Variants in STAU1 observed in about 807,000 individuals in gnomAD.
STAU1 encodes the protein double-stranded RNA-binding protein Staufen homolog 1.
Under a neutral mutation model 62.9 loss-of-function variants are expected in STAU1, and 13 were observed. That is an observed-to-expected ratio of 0.21 (90% CI 0.13 to 0.33). The LOEUF is 0.33. Ranked by LOEUF, STAU1 falls within the 10% of genes least tolerant of loss-of-function variation. STAU1 has a pLI of 1.00. For missense variants in STAU1, 571 were observed against 712.1 expected (o/e 0.80, Z 2.25); for synonymous variants, 269 against 265.1 (o/e 1.01, Z -0.14).
chr20:49,123,470 C>T (rs931691063), intron 7 of STAU1, among the ~76,000 whole-genome samples: 1 of 152,082 alleles, frequency 6.6e-6, no homozygotes, highest in Non-Finnish European at 1.5e-5. Flanking sequence ...TATAACGAAG[C>T]GTCACTATGA....
At chr20:49,126,141 A>G (rs1389946432) in intron 6 of STAU1, among the ~76,000 whole-genome samples, 4 of 151,928 alleles carry the variant, frequency 2.6e-5, no homozygotes, top group Admixed American at 6.6e-5. Flanking sequence ...TGGGTTTGGC[A>G]ATTGGTTTTT....
intron 1 of STAU1, among the ~76,000 whole-genome samples, chr20:49,178,429 C>A (rs2093685236): frequency 6.6e-6 from 1 of 151,902 alleles, no homozygotes; most frequent in South Asian, 2.1e-4. Context: ...GGCTGGCCAA[C>A]ATGGTGAAAT....
In STAU1 at chr20:49,135,844, C is replaced by G. The variant is rs2092870506; in HGVS notation, c.598G>C (p.Val200Leu). The G allele has an allele frequency of 1.9e-6, 3 of 1,612,390 alleles. No homozygotes were observed. The highest frequency in any genetic ancestry group is 3.4e-5 in the Admixed American group (2 of 59,518). ...TAAAATTAGCTTACCTCGAAATTCA[C>G]AGGCAAGTTCCGTTTAAGTGCAATC... ...FEIALKRNLP[V>L]NFEVARESGP... The change falls in exon 6 of 14, where the codon GTG (valine) becomes CTG (leucine). Residue 200 changes from valine (V) to leucine (L), a missense_variant. By Grantham distance (32) the Val-to-Leu change is conservative (BLOSUM62 1). Around this residue, in one of 3 missense-constraint regions of STAU1, gnomAD observed 414 missense variants for 499.6 expected, o/e 0.83. Transcript: ENST00000371856.
chr20:49,130,184 C>A (rs1175211210), intron 6 of STAU1, among the ~76,000 whole-genome samples: 1 of 152,080 alleles, frequency 6.6e-6, no homozygotes, highest in Non-Finnish European at 1.5e-5. Flanking sequence ...ATAATGACTC[C>A]AAGCTAAGTT....
At chr20:49,201,898 C>T in the STAU1 span, among the ~76,000 whole-genome samples, 1 of 151,842 alleles carries the variant, frequency 6.6e-6, no homozygotes, top group Non-Finnish European at 1.5e-5. Flanking sequence ...ATAAGAAATG[C>T]CTCAAATCAG....
chr20:49,143,867 A>T (rs2093064237), intron 5 of STAU1, among the ~76,000 whole-genome samples: 1 of 152,224 alleles, frequency 6.6e-6, no homozygotes, highest in South Asian at 2.1e-4. Context: ...AAAAAAAGCA[A>T]GGTCCTCTAT....
Position 49,123,113 on chromosome 20 carries a change from G to A in STAU1, c.945C>T (p.Arg315=). 6.2e-7 allele frequency: 1 copy of A among 1,609,992 alleles called. No homozygotes were observed. Among genetic ancestry groups the A allele is most frequent in the Admixed American group, 1.7e-5 (1 of 59,360 alleles). The change falls in exon 8 of 14, where the codon CGC becomes CGT. Residue 315 remains arginine (R), a synonymous_variant. Coordinates refer to ENST00000371856, the MANE Select transcript of STAU1 (RefSeq NM_017453.4). ...YTLLTERGLP[R]RREFVMQVKV... is the part of the protein sequence containing the mutation. ...CCACCTGCATCACAAACTCCCTGCG[G>A]CGCGGGAGGCCTCGCTCTGTGAGGA...
At chr20:49,189,201 C>CAA (rs545643816), upstream of STAU1, among the ~76,000 whole-genome samples, 7 of 33,622 alleles carry the variant, frequency 2.1e-4, 3 homozygotes, top group East Asian at 3.3e-3. Context: ...ACACTGGTCT[C>CAA]AAAAAAAAAA....
chr20:49,153,113 G>A (rs1272857318), intron 4 of STAU1, among the ~76,000 whole-genome samples: 1 of 151,906 alleles, frequency 6.6e-6, no homozygotes, highest in African/African-American at 2.4e-5. Context: ...AGCCGGGTGT[G>A]GTGGCAGGCG....
intron 6 of STAU1, among the ~76,000 whole-genome samples, chr20:49,125,535 A>AG (rs1491442934): frequency 1.6e-5 from 1 of 64,032 alleles, no homozygotes; most frequent in African/African-American, 7.4e-5. Context: ...GTCTCAAAGG[A>AG]AAAAAAAAAA....
upstream of STAU1, among the ~76,000 whole-genome samples, chr20:49,189,015 A>G (rs2093823253): frequency 6.6e-6 from 1 of 151,396 alleles, no homozygotes; most frequent in African/African-American, 2.4e-5. Flanking sequence ...CCTGGCTACC[A>G]CGGTGAAACC....
At chr20:49,151,067 C>T (rs2093239341) in intron 5 of STAU1, among the ~76,000 whole-genome samples, 1 of 152,186 alleles carries the variant, frequency 6.6e-6, no homozygotes, top group South Asian at 2.1e-4. Context: ...AGCCCAGCCT[C>T]AATCACAGAC....
At chr20:49,180,647 C>T (rs755342629) in intron 1 of STAU1, among the ~76,000 whole-genome samples, 15 of 152,144 alleles carry the variant, frequency 9.9e-5, no homozygotes, top group Non-Finnish European at 1.2e-4. Context: ...TGATGACACA[C>T]GATAGCAGTA....
chr20:49,166,041 G>A lies in STAU1; in HGVS notation c.161C>T (p.Ser54Phe), dbSNP rs753100887. The change falls in exon 3 of 14, where the codon TCT becomes TTT. Residue 54 changes from serine (S) to phenylalanine (F), a missense_variant. Physicochemically the swap from Ser to Phe is radical, Grantham distance 155 (BLOSUM62 -2). This residue lies in a region of STAU1 where 414 missense variants were observed against 499.6 expected (regional missense o/e 0.83). Transcript: ENST00000371856. ...SENAGRPIQNSALPSASITST... is the reference protein window; with the variant it reads ...SENAGRPIQNFALPSASITST... The stretch of plus-strand genomic sequence containing the variant: ...TGTAATAGATGCAGAGGGTAAAGCA[G>A]AGTTTTGAATGGGTCTACCTGCATT... 1 of 1,614,226 alleles carries A rather than the reference G, an allele frequency of 6.2e-7. No homozygotes were observed. Among genetic ancestry groups the A allele is most frequent in the Non-Finnish European group, 8.5e-7 (1 of 1,180,038 alleles).
chr20:49,211,697 G>A, the STAU1 span, among the ~76,000 whole-genome samples: 1 of 151,922 alleles, frequency 6.6e-6, no homozygotes, highest in African/African-American at 2.4e-5. Flanking sequence ...TAGTAGAGAC[G>A]GGGTTTTACC....
intron 2 of STAU1, among the ~76,000 whole-genome samples, chr20:49,173,248 A>G (rs969886843): frequency 1.3e-5 from 2 of 151,580 alleles, no homozygotes; most frequent in Non-Finnish European, 2.9e-5. Context: ...ACCTCATGTC[A>G]GGAGTTCGAG....
intron 7 of STAU1, among the ~76,000 whole-genome samples, chr20:49,124,078 G>A (rs538914418): frequency 1.3e-4 from 20 of 152,244 alleles, no homozygotes; most frequent in East Asian, 1.2e-3. Flanking sequence ...TTCACCACGC[G>A]CCCCACAGAC....
chr20:49,135,377 G>C (rs951128070), intron 6 of STAU1, among the ~76,000 whole-genome samples: 1 of 152,168 alleles, frequency 6.6e-6, no homozygotes, highest in Non-Finnish European at 1.5e-5. Context: ...AGAACACAAG[G>C]TCTCAACAAC....
chr20:49,197,406 C>CT, the STAU1 span, among the ~76,000 whole-genome samples: 540 of 139,352 alleles, frequency 3.9e-3, 2 homozygotes, highest in South Asian at 0.01. Context: ...TTTTTCTTTT[C>CT]TTTTTTTTTT....
Sources: gnomAD v4.1 joint callset for allele counts (sites outside exome capture counted in the v4.1 genomes callset) on GRCh38, gnomAD v4.1.1 for gene constraint, gnomAD v4.1.1 regional missense constraint, MANE v1.5 for transcripts, NCBI Gene and HGNC (gene_info 2026-07-23, HGNC 2026-07-21) for gene names.